The following CASK variants were observed in gnomAD, a reference collection of about 807,000 sequenced individuals.
CASK encodes the protein calcium/calmodulin dependent serine protein kinase.
A neutral mutation model predicts 82.9 loss-of-function variants in CASK; 4 were observed. That is an observed-to-expected ratio of 0.05 (90% CI 0.02 to 0.11). CASK has a LOEUF of 0.11. CASK is among the 10% of genes least tolerant of loss of function. The pLI, the probability that CASK is intolerant of heterozygous loss-of-function variation, is 1.00. For synonymous variants in CASK, 259 were observed against 253.5 expected (o/e 1.02, Z -0.20); for missense variants, 358 against 720.9 (o/e 0.50, Z 5.76).
At chrX:41,772,752 C>A (rs181092061) in intron 3 of CASK, among the ~76,000 whole-genome samples, 37 of 111,485 alleles carry the variant, frequency 3.3e-4, no homozygotes, top group African/African-American at 1.1e-3. Context: ...GTAGTCCCAG[C>A]ACTTTAGGAG....
intron 18 of CASK, chrX:41,558,254 G>A (rs2065183417): frequency 9.1e-6 from 1 of 109,336 alleles, no homozygotes; most frequent in African/African-American, 3.3e-5. Context: ...GGGCCAAAAA[G>A]GCTGGAGGTG....
intron 2 of CASK, 61 bp downstream of exon 2, chrX:41,853,054 T>C: frequency 2.5e-6 from 2 of 794,452 alleles, no homozygotes; most frequent in Non-Finnish European, 3.9e-6. Flanking sequence ...GGTTGGTAAA[T>C]GGATTTTGGA....
At chrX:41,743,046 A>G (rs1175961037) in intron 4 of CASK, among the ~76,000 whole-genome samples, 1 of 112,460 alleles carries the variant, frequency 8.9e-6, no homozygotes, top group Non-Finnish European at 1.9e-5. Context: ...TCTCAAGATT[A>G]GGAGAGACCA....
At position 41,676,599 on chromosome X, in the gene CASK, C is replaced by T. The variant is rs1053954520; in HGVS notation, c.430-5069G>A. The T allele has an allele frequency of 6.7e-6, 4 of 594,041 alleles. No individual in the cohort carries two copies. In the African/African-American group the frequency reaches 6.8e-5, roughly 10 times the overall value. 49.0% of individuals were successfully genotyped at this position (594,041 alleles called of 1,213,427 possible). On this transcript the variant is annotated intron_variant, in intron 5 of 26. Transcript: ENST00000378163. ...CGGGCCTGGGCTCTGGCCTGCTCTC[C>T]GAACTCTGGGTTTTATGTTGAGCGA...
At chrX:41,591,923 T>C (rs1346501467) in intron 12 of CASK, among the ~76,000 whole-genome samples, 2 of 111,304 alleles carry the variant, frequency 1.8e-5, no homozygotes, top group Non-Finnish European at 3.8e-5. Context: ...AAAGTTTAAA[T>C]AATCTAAGTG....
intron 12 of CASK, among the ~76,000 whole-genome samples, chrX:41,590,381 G>A (rs1238089495): frequency 1.9e-5 from 2 of 107,328 alleles, no homozygotes; most frequent in Admixed American, 2.0e-4. Context: ...ATAGTGGTGG[G>A]CGCCTGTAAC....
At chrX:41,543,532 A>T (rs1316505682) in intron 21 of CASK, among the ~76,000 whole-genome samples, 1 of 112,366 alleles carries the variant, frequency 8.9e-6, no homozygotes, top group Non-Finnish European at 1.9e-5. Context: ...TTAAATTCAC[A>T]GTTATAACCA....
intron 6 of CASK, 92 bp from the exon 7 acceptor site, chrX:41,665,544 A>T (rs2067103436): frequency 3.1e-6 from 1 of 326,749 alleles, no homozygotes; most frequent in Non-Finnish European, 4.2e-6. Flanking sequence ...CAATCCAAAT[A>T]AAAAGTTTAC....
chrX:41,777,666 G>A (rs188052664), intron 3 of CASK, among the ~76,000 whole-genome samples: 206 of 110,928 alleles, frequency 1.9e-3, no homozygotes, highest in African/African-American at 6.4e-3. Context: ...GGGCTGTTGA[G>A]GTACTGGCAG....
At chrX:41,878,609 C>T (rs1286570115) in intron 1 of CASK, among the ~76,000 whole-genome samples, 2 of 110,946 alleles carry the variant, frequency 1.8e-5, no homozygotes, top group Admixed American at 1.9e-4. Flanking sequence ...CAGTTTTTCC[C>T]TCAAATTCAT....
At chrX:41,665,627 T>C (rs2067104929) in intron 6 of CASK, 175 bp from the exon 7 acceptor site, 2 of 455,570 alleles carry the variant, frequency 4.4e-6, no homozygotes, top group Non-Finnish European at 7.6e-6. Context: ...AAATTACTTA[T>C]CTAATTGCTT....
chrX:41,744,596 G>A (rs750213279), intron 4 of CASK, among the ~76,000 whole-genome samples: 1 of 110,323 alleles, frequency 9.1e-6, no homozygotes, highest in East Asian at 2.9e-4. Context: ...TACCCGCCTC[G>A]GCCTCCCAAA....
chrX:41,893,240 C>T (rs1183866759), intron 1 of CASK, among the ~76,000 whole-genome samples: 1 of 111,763 alleles, frequency 8.9e-6, no homozygotes, highest in African/African-American at 3.3e-5. Flanking sequence ...TACCACAATT[C>T]GCTGGCCTTG....
intron 8 of CASK, among the ~76,000 whole-genome samples, chrX:41,645,257 T>C (rs1335013828): frequency 8.9e-6 from 1 of 111,751 alleles, no homozygotes; most frequent in Non-Finnish European, 1.9e-5. Flanking sequence ...ACATTTGGCA[T>C]TGTTTACTTT....
At chrX:41,800,666 CA>C (rs1233640924) in intron 2 of CASK, among the ~76,000 whole-genome samples, 2 of 107,097 alleles carry the variant, frequency 1.9e-5, no homozygotes, top group Non-Finnish European at 3.9e-5. Context: ...CCCCACCCCA[CA>C]ACAGTCCCCA....
At chrX:41,616,584 T>C (rs1261434635) in intron 11 of CASK, among the ~76,000 whole-genome samples, 3 of 110,567 alleles carry the variant, frequency 2.7e-5, no homozygotes, top group East Asian at 2.8e-4. Context: ...AATGCCCTAT[T>C]GGGTCAGACA....
At chrX:41,732,104 T>G (rs1415992952) in intron 5 of CASK, among the ~76,000 whole-genome samples, 2 of 110,182 alleles carry the variant, frequency 1.8e-5, no homozygotes, top group East Asian at 2.8e-4. Flanking sequence ...CTTACCCTAT[T>G]TTAAAGTTTG....
chrX:41,667,770 T>C (rs1326410842), intron 6 of CASK, among the ~76,000 whole-genome samples: 1 of 111,193 alleles, frequency 9.0e-6, no homozygotes, highest in Non-Finnish European at 1.9e-5. Flanking sequence ...CTGACTTCTT[T>C]TACACAGAAT....
chrX:41,843,737 T>C (rs1317783623), intron 2 of CASK, among the ~76,000 whole-genome samples: 1 of 111,336 alleles, frequency 9.0e-6, no homozygotes, highest in Non-Finnish European at 1.9e-5. Flanking sequence ...TACTTCCTTC[T>C]GATAGATTTG....
Sources: allele counts gnomAD v4.1 joint callset (sites outside exome capture counted in the v4.1 genomes callset), GRCh38; gene constraint gnomAD v4.1.1; transcripts MANE v1.5; gene names NCBI Gene and HGNC (gene_info 2026-07-23, HGNC 2026-07-21).